Variants in CHD9 observed in about 807,000 individuals in gnomAD.
CHD9 encodes the protein ATP-dependent chromatin remodeler CHD9.
Under a neutral mutation model 316.1 loss-of-function variants are expected in CHD9, and 77 were observed. That is an observed-to-expected ratio of 0.24 (90% CI 0.20 to 0.29). CHD9 has a LOEUF of 0.29. Ranked by LOEUF, CHD9 falls within the 10% of genes least tolerant of loss-of-function variation. The probability of loss-of-function intolerance (pLI) is 1.00; values close to 1 mark genes in which losing one functional copy is unlikely to be tolerated. For missense variants in CHD9, 2,763 were observed against 3,438.1 expected (o/e 0.80, Z 4.91); for synonymous variants, 1,129 against 1,158.3 (o/e 0.97, Z 0.51).
intron 1 of CHD9, among the ~76,000 whole-genome samples, chr16:53,097,200 A>T (rs2036445371): frequency 6.6e-6 from 1 of 152,182 alleles, no homozygotes; most frequent in Non-Finnish European, 1.5e-5. Context: ...TTGATTATAA[A>T]CATGGCTTAA....
intron 1 of CHD9, among the ~76,000 whole-genome samples, chr16:53,100,965 T>C (rs965861026): frequency 2.6e-5 from 4 of 152,234 alleles, no homozygotes; most frequent in African/African-American, 9.6e-5. Context: ...TAATATTTTC[T>C]CTAGATGGCT....
chr16:53,316,090 T>C (rs1169163061), intron 36 of CHD9, among the ~76,000 whole-genome samples: 3 of 152,064 alleles, frequency 2.0e-5, no homozygotes, highest in Admixed American at 6.5e-5. Flanking sequence ...TTTCAATTTT[T>C]ATTTTGTAGA....
At chr16:53,233,685 A>C (rs1165613916) in intron 10 of CHD9, among the ~76,000 whole-genome samples, 1 of 151,454 alleles carries the variant, frequency 6.6e-6, no homozygotes, top group Non-Finnish European at 1.5e-5. Context: ...TCTGGTGACC[A>C]GCCCCACCTG....
intron 19 of CHD9, among the ~76,000 whole-genome samples, chr16:53,257,329 G>A (rs1006749941): frequency 1.3e-5 from 2 of 152,152 alleles, no homozygotes; most frequent in African/African-American, 4.8e-5. Flanking sequence ...TTGATCCTAA[G>A]GCAGTTAAGC....
At position 53,308,785 on chromosome 16, in the gene CHD9, C is replaced by A. The variant is rs762440281; in HGVS notation, c.7153C>A (p.Arg2385=). 6.2e-7 allele frequency: 1 copy of A among 1,613,494 alleles called. No individual in the cohort carries two copies. The stretch of plus-strand genomic sequence containing the variant: ...TCTGGGGCAGCAGCAGTACCTCACT[C>A]GGCTTCGAGAGCTTCAAAGTGCATC... ...GALGQQQYLT[R]LRELQSASET... The change falls in exon 34 of 39, where the codon CGG becomes AGG. Residue 2385 remains arginine (R), a synonymous_variant. Transcript: ENST00000447540.
At chr16:53,257,348 T>G (rs1384395825) in intron 19 of CHD9, among the ~76,000 whole-genome samples, 1 of 152,166 alleles carries the variant, frequency 6.6e-6, no homozygotes, top group Non-Finnish European at 1.5e-5. Flanking sequence ...GCTTTTAAAG[T>G]CCTTCAAGCA....
intron 1 of CHD9, among the ~76,000 whole-genome samples, chr16:53,107,165 T>G (rs2037422290): frequency 6.6e-6 from 1 of 152,106 alleles, no homozygotes; most frequent in South Asian, 2.1e-4. Context: ...CCAGGCGTGG[T>G]GGCTCACACT....
At chr16:53,108,132 T>C (rs1259945216) in intron 1 of CHD9, among the ~76,000 whole-genome samples, 1 of 152,244 alleles carries the variant, frequency 6.6e-6, no homozygotes, top group Non-Finnish European at 1.5e-5. Context: ...AATGTTCTTT[T>C]TACCCACTTA....
intron 1 of CHD9, among the ~76,000 whole-genome samples, chr16:53,144,734 C>T (rs948419376): frequency 1.1e-4 from 17 of 152,068 alleles, no homozygotes; most frequent in Non-Finnish European, 2.4e-4. Flanking sequence ...TTATGTAGGC[C>T]AGGCTGGTCT....
In CHD9 at chr16:53,245,782, A is replaced by T; in HGVS notation, c.3386A>T (p.Asn1129Ile). 1 of 1,605,534 alleles carries T rather than the reference A, an allele frequency of 6.2e-7. No individual in the cohort carries two copies. The highest frequency in any genetic ancestry group is 8.5e-7 in the Non-Finnish European group (1 of 1,176,450). ...TTATCCAAAGGAGCAGGACAAACTA[A>T]TGTACCTAACTTGGTCAATACCATG... Reference protein sequence around the residue: ...SFLSKGAGQTNVPNLVNTMME... With the variant: ...SFLSKGAGQTIVPNLVNTMME... Residue 1129 changes from asparagine (N) to isoleucine (I), a missense_variant, in exon 15 of 39, where the codon AAT becomes ATT. Around this residue, in one of 15 missense-constraint regions of CHD9, gnomAD observed 155 missense variants for 291.8 expected, o/e 0.53. Transcript: ENST00000447540. The surrounding 1 kb of genome is among the most constrained non-coding windows in gnomAD (Gnocchi z 4.1).
intron 2 of CHD9, among the ~76,000 whole-genome samples, chr16:53,184,485 C>T (rs949168057): frequency 4.6e-5 from 7 of 151,960 alleles, no homozygotes; most frequent in Non-Finnish European, 7.4e-5. Context: ...TACAGGTACA[C>T]ACCAGCATGC....
chr16:53,258,965 C>T (rs566269445), intron 19 of CHD9, among the ~76,000 whole-genome samples: 176 of 152,286 alleles, frequency 1.2e-3, no homozygotes, highest in Non-Finnish European at 1.9e-3. Flanking sequence ...TTAGTTGGCA[C>T]CTTCTGCCTT....
chr16:53,138,975 A>G lies in CHD9; in HGVS notation c.-164-16951A>G, dbSNP rs188743853. ...GAGAAGCAGGCAATTGCAAAGGGGC[A>G]GTTAAAGATCCTGGAGGAGGTGCTG... is the stretch of plus-strand genomic sequence containing the variant. On this transcript the variant is annotated intron_variant, in intron 1 of 38. Coordinates refer to ENST00000447540, the MANE Select transcript of CHD9 (RefSeq NM_001308319.2). Among the ~76,000 whole-genome samples, 740 of 152,312 alleles carry G rather than the reference A, an allele frequency of 4.9e-3. 2 individuals are homozygous for G. The highest frequency in any genetic ancestry group is 7.0e-3 in the Non-Finnish European group (479 of 68,018).
chr16:53,262,883 T>G, intron 19 of CHD9, 104 bp from the exon 20 acceptor site: 1 of 896,326 alleles, frequency 1.1e-6, no homozygotes, highest in East Asian at 2.5e-5. Context: ...CTTTGATGTA[T>G]GAGTATGCAG....
chr16:53,271,976 G>A (rs1029655519), intron 22 of CHD9, among the ~76,000 whole-genome samples: 3 of 151,638 alleles, frequency 2.0e-5, no homozygotes, highest in South Asian at 2.1e-4. Flanking sequence ...AAGAAAGAAG[G>A]AAGGTATGAT....
At chr16:53,257,892 A>G (rs1473265482) in intron 19 of CHD9, among the ~76,000 whole-genome samples, 1 of 152,024 alleles carries the variant, frequency 6.6e-6, no homozygotes, top group Non-Finnish European at 1.5e-5. Context: ...CTTAGTTTTG[A>G]TTCCTTGGTT....
chr16:53,258,553 C>T (rs945104221), intron 19 of CHD9, among the ~76,000 whole-genome samples: 3 of 152,118 alleles, frequency 2.0e-5, no homozygotes, highest in African/African-American at 2.4e-5. Context: ...GTATTTTACA[C>T]TTTTTCCTGC....
intron 17 of CHD9, among the ~76,000 whole-genome samples, chr16:53,252,646 T>C (rs917749454): frequency 2.0e-5 from 3 of 150,428 alleles, no homozygotes; most frequent in African/African-American, 7.4e-5. Flanking sequence ...TCACAATCTG[T>C]ACTTCTGACC....
chr16:53,123,093 CCTCAG>C (rs2038817020), intron 1 of CHD9, among the ~76,000 whole-genome samples: 2 of 149,474 alleles, frequency 1.3e-5, no homozygotes, highest in Admixed American at 1.3e-4. Flanking sequence ...GAACTCACAC[CCTCAG>C]GTGATCCATC....
Sources: gnomAD v4.1 joint callset for allele counts (sites outside exome capture counted in the v4.1 genomes callset) on GRCh38, gnomAD v4.1.1 for gene constraint, gnomAD v4.1.1 regional missense constraint, Gnocchi (gnomAD v3.1) non-coding constraint, MANE v1.5 for transcripts, NCBI Gene and HGNC (gene_info 2026-07-23, HGNC 2026-07-21) for gene names.